GNGT1: variants seen among roughly 807,000 people sequenced by gnomAD.
GNGT1 encodes the protein guanine nucleotide-binding protein G(T) subunit gamma-T1.
GNGT1 carries 4 observed loss-of-function variants against 7.4 expected under a neutral mutation model. The observed-to-expected ratio is 0.54, with a 90% confidence interval of 0.27 to 1.24. The LOEUF is 1.24. Ranked by LOEUF, GNGT1 falls within the 50% of genes most tolerant of loss-of-function variation. The pLI, the probability that GNGT1 is intolerant of heterozygous loss-of-function variation, is 0.12. For missense variants in GNGT1, 95 were observed against 82.4 expected, an observed-to-expected ratio of 1.15 and a Z score of -0.59; for synonymous variants, 37 against 30.2, an observed-to-expected ratio of 1.23 and a Z score of -0.74.
At chr7:93,909,458 G>T (rs1432944212) in intron 2 of GNGT1, 1 of 701,056 alleles carries the variant, frequency 1.4e-6, no homozygotes, top group Non-Finnish European at 2.6e-6. Context: ...GTAATTTGTT[G>T]CTCCTTTCAT....
intron 2 of GNGT1, among the ~76,000 whole-genome samples, chr7:93,908,689 A>C (rs1019486351): frequency 6.6e-6 from 1 of 151,364 alleles, no homozygotes; most frequent in African/African-American, 2.4e-5. Context: ...ATTATATATA[A>C]AATGGAACTT....
chr7:93,906,777 GA>G lies in GNGT1; in HGVS notation c.35del (p.Lys12ArgfsTer4). The G allele has an allele frequency of 1.2e-6, 2 of 1,605,894 alleles. No individual in the cohort carries two copies. Among genetic ancestry groups the G allele is most frequent in the South Asian group, 1.1e-5 (1 of 89,810 alleles). On this transcript the variant is annotated frameshift_variant, in exon 2 of 3. Transcript: ENST00000248572. LOFTEE classifies it high-confidence loss of function. MPVINIEDLT[E>X]KDKLKMEVDQ... ...AGTAATCAATATTGAGGACCTGACA[GA>G]AAAGGACAAATTGAAGATGGAAGTT... is the stretch of plus-strand genomic sequence containing the variant.
intron 2 of GNGT1, chr7:93,909,968 T>G (rs1794435314): frequency 1.3e-5 from 2 of 154,780 alleles, no homozygotes; most frequent in Admixed American, 1.3e-4. Flanking sequence ...ACAAACAAGT[T>G]GAAGCTAAAA....
At chr7:93,908,280 A>G (rs538676902) in intron 2 of GNGT1, among the ~76,000 whole-genome samples, 1 of 152,280 alleles carries the variant, frequency 6.6e-6, no homozygotes, top group East Asian at 1.9e-4. Flanking sequence ...ATACATATAC[A>G]TGTACCCTCT....
intron 2 of GNGT1, chr7:93,909,599 G>T (rs1794428629): frequency 3.1e-6 from 2 of 652,836 alleles, no homozygotes; most frequent in Admixed American, 2.2e-5. Context: ...TTTAGAGAGA[G>T]AGTGTGGGAC....
At chr7:93,910,006 A>G in intron 2 of GNGT1, 1 of 153,316 alleles carries the variant, frequency 6.5e-6, no homozygotes, top group Non-Finnish European at 1.5e-5. Context: ...TTTCGTGTGT[A>G]TGTATATATA....
Position 93,906,755 on chromosome 7 carries a change from A to G in GNGT1, c.9A>G (p.Val3=), listed in dbSNP as rs191685430. MP[V]INIEDLTEKD... ...CTTCAGCAGGCAAAAAGATGCCAGT[A>G]ATCAATATTGAGGACCTGACAGAAA... is the stretch of plus-strand genomic sequence containing the variant. Residue 3 remains valine, a synonymous_variant, in exon 2 of 3, where the codon GTA becomes GTG. Transcript: ENST00000248572. 4.4e-5 allele frequency: 70 copies of G among 1,595,412 alleles called. No homozygotes were observed. The African/African-American group carries it at 8.8e-4, about 20-fold the overall frequency.
chr7:93,906,654 G>T lies in GNGT1; in HGVS notation c.-12+10G>T, dbSNP rs944294670. ...AAGAACAGTTTACTTTGTAAGTTAA[G>T]AGCTGAGGGAATTGTTGGCTAAGAC... On this transcript the variant is annotated intron_variant, in intron 1 of 2. Transcript: ENST00000248572. 2.7e-6 allele frequency: 2 copies of T among 741,814 alleles called. No individual in the cohort carries two copies. Among genetic ancestry groups the T allele is most frequent in the Non-Finnish European group, 4.7e-6 (2 of 423,198 alleles). The allele number at this position is 741,814 out of a possible 1,614,324, so 46.0% of individuals were successfully genotyped here. A position where few individuals can be genotyped will look rare whatever the true frequency, so the allele number is the denominator to read the frequency against.
chr7:93,906,944 A>G, intron 2 of GNGT1, 102 bp downstream of exon 2: 1 of 593,412 alleles, frequency 1.7e-6, no homozygotes, highest in South Asian at 2.5e-5. Context: ...AGTTACAAAT[A>G]AATTGTTCAT....
At chr7:93,909,685 C>A in intron 2 of GNGT1, 2 of 489,002 alleles carry the variant, frequency 4.1e-6, no homozygotes, top group Middle Eastern at 2.9e-4. Flanking sequence ...AAGTATCATC[C>A]TTTGAAGGAA....
Position 93,910,921 on chromosome 7 carries a change from C to T in GNGT1, c.*3C>T. On this transcript the variant is annotated 3_prime_UTR_variant, in exon 3 of 3. Transcript: ENST00000248572. The stretch of plus-strand genomic sequence containing the variant: ...AAGGAGGCTGTGTGATTTCATAATA[C>T]AAACAAAAAGAAAAAAAATTAAACA... 6.5e-7 allele frequency: 1 copy of T among 1,549,822 alleles called. No homozygotes were observed.
chr7:93,910,273 G>A (rs2115898634), intron 2 of GNGT1: 1 of 152,352 alleles, frequency 6.6e-6, no homozygotes, highest in Admixed American at 6.5e-5. Flanking sequence ...ATCAGCCAAA[G>A]GTCCCTGACC....
At chr7:93,908,000 T>C (rs1794402646) in intron 2 of GNGT1, among the ~76,000 whole-genome samples, 1 of 152,204 alleles carries the variant, frequency 6.6e-6, no homozygotes, top group Admixed American at 6.5e-5. Context: ...TAAGTTGAAA[T>C]ATCCAAAAGC....
Position 93,910,958 on chromosome 7 carries a change from AT to A in GNGT1, c.*41del. 2 of 1,409,272 alleles carry A rather than the reference AT, an allele frequency of 1.4e-6. No individual in the cohort carries two copies. Among genetic ancestry groups the A allele is most frequent in the Non-Finnish European group, 1.9e-6 (2 of 1,031,642 alleles). 87.3% of individuals were successfully genotyped at this position (1,409,272 alleles called of 1,614,324 possible). ...AAAAAAATTAAACAAATTCTTGGAA[AT>A]ATCTCAAATGTTAATAACAATATGA... On this transcript the variant is annotated 3_prime_UTR_variant, in exon 3 of 3. Coordinates refer to ENST00000248572, the MANE Select transcript of GNGT1 (RefSeq NM_021955.5).
chr7:93,909,332 C>T (rs1432445393), intron 2 of GNGT1: 1 of 501,324 alleles, frequency 2.0e-6, no homozygotes, highest in Admixed American at 3.2e-5. Flanking sequence ...ATTACCTTAA[C>T]TAAGACTAAA....
intron 2 of GNGT1, among the ~76,000 whole-genome samples, chr7:93,907,606 G>C (rs566553480): frequency 2.0e-4 from 30 of 152,342 alleles, no homozygotes; most frequent in African/African-American, 7.0e-4. Context: ...AAAGCTTGGA[G>C]AATGTAGATA....
chr7:93,910,968 T>A lies in GNGT1; in HGVS notation c.*50T>A, dbSNP rs746317789. On this transcript the variant is annotated 3_prime_UTR_variant, in exon 3 of 3. Coordinates refer to ENST00000248572, the MANE Select transcript of GNGT1 (RefSeq NM_021955.5). Reference sequence around the variant, plus strand: ...AACAAATTCTTGGAAATATCTCAAATGTTAATAACAATATGAATTTTTCTC... The same window carrying A: ...AACAAATTCTTGGAAATATCTCAAAAGTTAATAACAATATGAATTTTTCTC... 7.5e-7 allele frequency: 1 copy of A among 1,340,326 alleles called. No individual in the cohort carries two copies. The allele number at this position is 1,340,326 out of a possible 1,614,324, so 83.0% of individuals were successfully genotyped here.
chr7:93,909,318 A>T (rs1362150901), intron 2 of GNGT1, among the ~76,000 whole-genome samples: 3 of 152,228 alleles, frequency 2.0e-5, no homozygotes, highest in Non-Finnish European at 4.4e-5. Context: ...TGAACCTTAG[A>T]TGAATTACCT....
At chr7:93,910,037 G>A (rs1794437719) in intron 2 of GNGT1, 1 of 152,296 alleles carries the variant, frequency 6.6e-6, no homozygotes, top group Non-Finnish European at 1.5e-5. Flanking sequence ...TATATGTATA[G>A]AACATCACCT....
Sources: gnomAD v4.1 joint callset for allele counts (sites outside exome capture counted in the v4.1 genomes callset) on GRCh38, gnomAD v4.1.1 for gene constraint, MANE v1.5 for transcripts, NCBI Gene and HGNC (gene_info 2026-07-23, HGNC 2026-07-21) for gene names.